The following KIRREL3 variants were observed in gnomAD, a reference collection of about 807,000 sequenced individuals.
KIRREL3 encodes kin of IRRE-like protein 3.
Under a neutral mutation model 89.7 loss-of-function variants are expected in KIRREL3, and 36 were observed. The ratio of observed to expected loss-of-function variants is 0.40; its 90% CI spans 0.31 to 0.53. The LOEUF (loss-of-function observed/expected upper bound fraction) is 0.53, where lower values mean the gene tolerates loss of function less well. KIRREL3 is among the 20% of genes least tolerant of loss of function. The pLI is 0.49. For synonymous variants in KIRREL3, 445 were observed against 441.4 expected (o/e 1.01, Z -0.10); for missense variants, 864 against 1,056.6 (o/e 0.82, Z 2.53).
chr11:126,458,964 G>T (rs751195), intron 6 of KIRREL3, among the ~76,000 whole-genome samples: 5 of 152,088 alleles, frequency 3.3e-5, no homozygotes, highest in East Asian at 1.9e-4. Context: ...GGCTGATCTG[G>T]GCGTCCGTGG....
rs1376619113 is a variant in KIRREL3 at position 126,558,378 on chromosome 11, TGCCACTTCCTCTCTTTCCA to T, written c.133+4438_133+4456del. 6.6e-6 allele frequency among the ~76,000 whole-genome samples: 1 copy of T among 152,154 alleles called. No individual in the cohort carries two copies. The highest frequency in any genetic ancestry group is 1.5e-5 in the Non-Finnish European group (1 of 68,020). ...GTTCTGCCCTTTCTTCTCCCTGCCT[TGCCACTTCCTCTCTTTCCA>T]GCCACCCTGAAAAATGAAACCAAGC... On this transcript the variant is annotated intron_variant, in intron 2 of 16. Coordinates refer to ENST00000525144, the MANE Select transcript of KIRREL3 (RefSeq NM_032531.4). This position sits in a 1 kb window ranked among gnomAD's most constrained non-coding sequence, Gnocchi z 4.0.
In KIRREL3 at chr11:126,747,119, C is replaced by CTG. The variant is rs900128190; in HGVS notation, c.56-184209_56-184208dup. ...CCTAAAATGACTGGAATCGCCTCAG[C>CTG]TGTGTAGCTAACTTGTTTTCCTTCC... is the stretch of plus-strand genomic sequence containing the variant. On this transcript the variant is annotated intron_variant, in intron 1 of 16. Transcript: ENST00000525144. The surrounding 1 kb of genome is among the most constrained non-coding windows in gnomAD (Gnocchi z 4.7). Among the ~76,000 whole-genome samples, 1 of 152,220 alleles carries CTG rather than the reference C, an allele frequency of 6.6e-6. No individual in the cohort carries two copies. The highest frequency in any genetic ancestry group is 1.5e-5 in the Non-Finnish European group (1 of 68,042).
chr11:126,426,955 G>A (rs115381309), intron 15 of KIRREL3, among the ~76,000 whole-genome samples: 1 of 152,274 alleles, frequency 6.6e-6, no homozygotes, highest in African/African-American at 2.4e-5. Flanking sequence ...GGGCCAGGAG[G>A]TGAAGGGAAT....
At chr11:126,971,263 T>G (rs777808084) in intron 1 of KIRREL3, among the ~76,000 whole-genome samples, 1 of 152,204 alleles carries the variant, frequency 6.6e-6, no homozygotes, top group Non-Finnish European at 1.5e-5. Context: ...CTTCTGATTC[T>G]TGAATGAATA....
chr11:126,850,496 T>C (rs1473289583), intron 1 of KIRREL3, among the ~76,000 whole-genome samples: 7 of 152,194 alleles, frequency 4.6e-5, no homozygotes, highest in Admixed American at 4.6e-4. Context: ...CCTGTCCTCA[T>C]AGGTTCTCCC....
chr11:126,849,937 A>AATC (rs1555057847), intron 1 of KIRREL3, among the ~76,000 whole-genome samples: 46,934 of 151,988 alleles, frequency 0.31, 7,594 homozygotes, highest in East Asian at 0.43. Flanking sequence ...AAAGCTGACA[A>AATC]CTCCCAAAAT....
intron 1 of KIRREL3, among the ~76,000 whole-genome samples, chr11:126,922,391 G>A (rs1287041728): frequency 6.6e-6 from 1 of 152,034 alleles, no homozygotes; most frequent in African/African-American, 2.4e-5. Flanking sequence ...CTCAGTAGAA[G>A]GCCTCTTCCT....
intron 1 of KIRREL3, among the ~76,000 whole-genome samples, chr11:126,673,479 T>G (rs1409050539): frequency 6.6e-6 from 1 of 152,194 alleles, no homozygotes; most frequent in Non-Finnish European, 1.5e-5. Flanking sequence ...ACCAAGGAAT[T>G]TATGCTGATT....
rs73634626 is a variant in KIRREL3, at chr11:126,545,263, G to A, written c.133+17572C>T. Among the ~76,000 whole-genome samples, 1,063 of 152,230 alleles carry A rather than the reference G, an allele frequency of 7.0e-3. 10 individuals are homozygous for A. Among genetic ancestry groups the A allele is most frequent in the African/African-American group, 0.023 (961 of 41,540 alleles). ...GATTTGCAGAGATAGTGGTGTCCTC[G>A]TGCTGTGTGGTGGACGGGAGTGAGC... is the stretch of plus-strand genomic sequence containing the variant. On this transcript the variant is annotated intron_variant, in intron 2 of 16. Transcript: ENST00000525144.
chr11:126,542,353 T>C (rs970295800), intron 2 of KIRREL3, among the ~76,000 whole-genome samples: 2 of 152,208 alleles, frequency 1.3e-5, no homozygotes, highest in African/African-American at 4.8e-5. Context: ...CAATCAACTC[T>C]TAATTATCTT....
Position 126,772,487 on chromosome 11 carries a change from C to T in KIRREL3, c.56-209575G>A, listed in dbSNP as rs535003909. On this transcript the variant is annotated intron_variant, in intron 1 of 16. Transcript: ENST00000525144. The surrounding 1 kb of genome is among the most constrained non-coding windows in gnomAD (Gnocchi z 4.6). ...CTTCTAACAGCTTTTGACAACTCTG[C>T]TATTCTGATGACCTGAAATGGCATG... Among the ~76,000 whole-genome samples the T allele has an allele frequency of 1.2e-4, 18 of 152,142 alleles. No individual in the cohort carries two copies. Among genetic ancestry groups the T allele is most frequent in the Non-Finnish European group, 2.6e-4 (18 of 68,028 alleles).
chr11:126,715,124 T>A lies in KIRREL3; in HGVS notation c.56-152212A>T, dbSNP rs969816055. Among the ~76,000 whole-genome samples, 1 of 152,236 alleles carries A rather than the reference T, an allele frequency of 6.6e-6. No homozygotes were observed. The highest frequency in any genetic ancestry group is 1.5e-5 in the Non-Finnish European group (1 of 68,032). On this transcript the variant is annotated intron_variant, in intron 1 of 16. Coordinates refer to ENST00000525144, the MANE Select transcript of KIRREL3 (RefSeq NM_032531.4). The surrounding 1 kb of genome is among the most constrained non-coding windows in gnomAD (Gnocchi z 4.4). ...CTGTGACACTTTCACCTTGTGACAA[T>A]GCCCAGACAACTAATAGAGTCTCTG...
Position 126,553,428 on chromosome 11 carries a change from T to C in KIRREL3, c.133+9407A>G, listed in dbSNP as rs528441935. ...CCTTCCCACTAGGGAATCTTCCACA[T>C]AGCCACTGGCAGTCTCTGTCTCTCT... On this transcript the variant is annotated intron_variant, in intron 2 of 16. Transcript: ENST00000525144. This position sits in a 1 kb window ranked among gnomAD's most constrained non-coding sequence, Gnocchi z 4.7. 6.6e-6 allele frequency among the ~76,000 whole-genome samples: 1 copy of C among 152,338 alleles called. No homozygotes were observed. Among genetic ancestry groups the C allele is most frequent in the African/African-American group, 2.4e-5 (1 of 41,584 alleles).
At position 126,900,740 on chromosome 11, in the gene KIRREL3, G is replaced by T. The variant is rs1269996276; in HGVS notation, c.55+99715C>A. 6.6e-6 allele frequency among the ~76,000 whole-genome samples: 1 copy of T among 152,164 alleles called. No homozygotes were observed. ...AATGATATTTAAGTGATGGGCAAGG[G>T]TATCAATGGTTCAGGCAAAGTATTG... On this transcript the variant is annotated intron_variant, in intron 1 of 16. Coordinates refer to ENST00000525144, the MANE Select transcript of KIRREL3 (RefSeq NM_032531.4). The surrounding 1 kb of genome is among the most constrained non-coding windows in gnomAD (Gnocchi z 4.4).
At chr11:126,886,403 G>T (rs544658625) in intron 1 of KIRREL3, among the ~76,000 whole-genome samples, 1 of 152,066 alleles carries the variant, frequency 6.6e-6, no homozygotes, top group Non-Finnish European at 1.5e-5. Context: ...TCCTACCAGC[G>T]CTAATAAAAA....
intron 4 of KIRREL3, among the ~76,000 whole-genome samples, chr11:126,481,958 C>T (rs1957229286): frequency 6.6e-6 from 1 of 152,220 alleles, no homozygotes; most frequent in Non-Finnish European, 1.5e-5. Flanking sequence ...CACTTCTTAC[C>T]TCAATTCCTC....
rs1173677736 is a variant in KIRREL3, at chr11:126,451,459, T to C, written c.849-2302A>G. ...ATGTGTGTGTCCAAGTGCATGCGCATGTGTGGGCATGTGCATGTGTGTGTG... is the reference window on the plus strand; with the variant it reads ...ATGTGTGTGTCCAAGTGCATGCGCACGTGTGGGCATGTGCATGTGTGTGTG... On this transcript the variant is annotated intron_variant, in intron 7 of 16. Coordinates refer to ENST00000525144, the MANE Select transcript of KIRREL3 (RefSeq NM_032531.4). 4.0e-5 allele frequency among the ~76,000 whole-genome samples: 6 copies of C among 150,050 alleles called. 1 individual carries two copies. The highest frequency in any genetic ancestry group is 1.5e-4 in the African/African-American group (6 of 40,386).
rs1591793304 is a variant in KIRREL3 at position 126,594,708 on chromosome 11, A to G, written c.56-31796T>C. On this transcript the variant is annotated intron_variant, in intron 1 of 16. Coordinates refer to ENST00000525144, the MANE Select transcript of KIRREL3 (RefSeq NM_032531.4). The surrounding 1 kb of genome is among the most constrained non-coding windows in gnomAD (Gnocchi z 5.0). ...ATTCTCTAACCCATGCTCCTGGCCA[A>G]CTCTCCTCTGTCCAGCCGCAGGTCC... is the stretch of plus-strand genomic sequence containing the variant. Among the ~76,000 whole-genome samples, 1 of 151,938 alleles carries G rather than the reference A, an allele frequency of 6.6e-6. No individual in the cohort carries two copies. Among genetic ancestry groups the G allele is most frequent in the South Asian group, 2.1e-4 (1 of 4,824 alleles).
chr11:126,455,982 G>A lies in KIRREL3; in HGVS notation c.848+367C>T, dbSNP rs1372806197. Among the ~76,000 whole-genome samples, 1 of 149,152 alleles carries A rather than the reference G, an allele frequency of 6.7e-6. No individual in the cohort carries two copies. Among genetic ancestry groups the A allele is most frequent in the East Asian group, 2.0e-4 (1 of 5,044 alleles). ...AACCAGTTTGATGGGCACAAGACTA[G>A]AATGGAGGTTCTGATCTTGCTGCTT... On this transcript the variant is annotated intron_variant, in intron 7 of 16. Transcript: ENST00000525144. This position sits in a 1 kb window ranked among gnomAD's most constrained non-coding sequence, Gnocchi z 6.4.
Sources: gnomAD v4.1 joint callset for allele counts (sites outside exome capture counted in the v4.1 genomes callset) on GRCh38, gnomAD v4.1.1 for gene constraint, Gnocchi (gnomAD v3.1) non-coding constraint, MANE v1.5 for transcripts, NCBI Gene and HGNC (gene_info 2026-07-23, HGNC 2026-07-21) for gene names.